The following RASAL2 variants were observed in gnomAD, a reference collection of about 807,000 sequenced individuals.
The protein encoded by RASAL2 is ras GTPase-activating protein nGAP.
Under a neutral mutation model 128.9 loss-of-function variants are expected in RASAL2, and 58 were observed. That is an observed-to-expected ratio of 0.45 (90% confidence interval 0.36 to 0.56). The LOEUF (loss-of-function observed/expected upper bound fraction) is 0.56, where lower values mean the gene tolerates loss of function less well. RASAL2 is among the 20% of genes least tolerant of loss of function. RASAL2 has a pLI of 0.00. For missense variants in RASAL2, 1,360 were observed against 1,601.6 expected (o/e 0.85, Z 2.57); for synonymous variants, 561 against 580.8 (o/e 0.97, Z 0.49).
intron 1 of RASAL2, among the ~76,000 whole-genome samples, chr1:178,135,972 GTTCAA>G (rs1660311693): frequency 6.6e-6 from 1 of 152,324 alleles, no homozygotes; most frequent in Non-Finnish European, 1.5e-5. Context: ...AATTATGGGA[GTTCAA>G]TTCAAGATGA....
intron 3 of RASAL2, among the ~76,000 whole-genome samples, chr1:178,348,586 A>G (rs1670273034): frequency 6.6e-6 from 1 of 152,170 alleles, no homozygotes; most frequent in Non-Finnish European, 1.5e-5. Flanking sequence ...GGCATGAGCT[A>G]CCACGCCCAG....
At chr1:178,225,927 AC>A (rs1165110966) in intron 1 of RASAL2, among the ~76,000 whole-genome samples, 1 of 152,156 alleles carries the variant, frequency 6.6e-6, no homozygotes, top group East Asian at 1.9e-4. Context: ...TTCTTAGCAC[AC>A]TATCATGAGC....
At chr1:178,467,673 T>C (rs1647874481) in intron 17 of RASAL2, among the ~76,000 whole-genome samples, 1 of 152,346 alleles carries the variant, frequency 6.6e-6, no homozygotes, top group South Asian at 2.1e-4. Flanking sequence ...CTCAACCTAG[T>C]GCATGATGGG....
intron 1 of RASAL2, among the ~76,000 whole-genome samples, chr1:178,268,023 GTT>G (rs1044785459): frequency 7.3e-6 from 1 of 137,692 alleles, no homozygotes. Context: ...GTTGTTTTTT[GTT>G]TTTTTTTTTA....
At chr1:178,296,298 C>T (rs1667505838) in intron 2 of RASAL2, among the ~76,000 whole-genome samples, 1 of 151,984 alleles carries the variant, frequency 6.6e-6, no homozygotes, top group South Asian at 2.1e-4. Flanking sequence ...ATCTTAGATA[C>T]CTGAGATATC....
At chr1:178,124,194 G>T (rs2102282393) in intron 1 of RASAL2, among the ~76,000 whole-genome samples, 1 of 152,286 alleles carries the variant, frequency 6.6e-6, no homozygotes, top group African/African-American at 2.4e-5. Flanking sequence ...TTTATGTAGA[G>T]AGGATAGGAG....
At chr1:178,130,603 G>A (rs1022057848) in intron 1 of RASAL2, among the ~76,000 whole-genome samples, 6 of 152,142 alleles carry the variant, frequency 3.9e-5, no homozygotes, top group Non-Finnish European at 8.8e-5. Flanking sequence ...CATATGTAAC[G>A]TCTAGTATCT....
At chr1:178,328,668 A>T (rs1354022794) in intron 3 of RASAL2, among the ~76,000 whole-genome samples, 1 of 152,202 alleles carries the variant, frequency 6.6e-6, no homozygotes, top group African/African-American at 2.4e-5. Flanking sequence ...GATATATATT[A>T]TCTCATTTAT....
At chr1:178,309,857 G>T (rs964396746) in intron 3 of RASAL2, among the ~76,000 whole-genome samples, 9 of 152,078 alleles carry the variant, frequency 5.9e-5, no homozygotes, top group African/African-American at 2.2e-4. Flanking sequence ...AGTGTATTTT[G>T]AATTGATAGA....
At chr1:178,123,292 TGAGA>T (rs1659780735) in intron 1 of RASAL2, 1 of 152,352 alleles carries the variant, frequency 6.6e-6, no homozygotes, top group South Asian at 2.1e-4. Context: ...CTTTGAAGGC[TGAGA>T]GAGAACGAGG....
chr1:178,248,406 T>G (rs1664878754), intron 1 of RASAL2, among the ~76,000 whole-genome samples: 2 of 152,134 alleles, frequency 1.3e-5, no homozygotes, highest in Admixed American at 6.6e-5. Context: ...CTTTTTTTGC[T>G]TTCCATTCCC....
At chr1:178,245,204 G>A (rs1664715206) in intron 1 of RASAL2, among the ~76,000 whole-genome samples, 1 of 152,206 alleles carries the variant, frequency 6.6e-6, no homozygotes, top group Admixed American at 6.5e-5. Flanking sequence ...CAGTGTAAAA[G>A]CGTTCCTATT....
At chr1:178,217,006 G>T (rs897317613) in intron 1 of RASAL2, among the ~76,000 whole-genome samples, 3 of 150,068 alleles carry the variant, frequency 2.0e-5, no homozygotes, top group Non-Finnish European at 4.4e-5. Flanking sequence ...ACGGAGTTTC[G>T]CTCTTGTTGC....
intron 1 of RASAL2, among the ~76,000 whole-genome samples, chr1:178,196,876 T>C (rs1444300951): frequency 6.6e-6 from 1 of 152,176 alleles, no homozygotes; most frequent in Non-Finnish European, 1.5e-5. Flanking sequence ...CACAAAGAAA[T>C]ACTCTTATAT....
chr1:178,327,690 A>G (rs1224169873), intron 3 of RASAL2, among the ~76,000 whole-genome samples: 2 of 152,192 alleles, frequency 1.3e-5, no homozygotes, highest in Non-Finnish European at 2.9e-5. Context: ...ATTGGCAGAA[A>G]GACAACCTTG....
intron 12 of RASAL2, 165 bp from the exon 13 acceptor site, chr1:178,456,556 C>G (rs1677787070): frequency 2.7e-5 from 20 of 736,506 alleles, no homozygotes; most frequent in South Asian, 2.7e-4. Flanking sequence ...CATGGTTCTG[C>G]TGCTCCATAA....
At chr1:178,133,570 A>G (rs1264362402) in intron 1 of RASAL2, among the ~76,000 whole-genome samples, 1 of 150,976 alleles carries the variant, frequency 6.6e-6, no homozygotes, top group East Asian at 1.9e-4. Flanking sequence ...AAGTTGCTTT[A>G]TAACTCACTG....
chr1:178,179,749 G>C (rs1208798225), intron 1 of RASAL2, among the ~76,000 whole-genome samples: 5 of 152,128 alleles, frequency 3.3e-5, no homozygotes, highest in African/African-American at 1.2e-4. Context: ...ATTGTGTTTT[G>C]ACAAGCTTCC....
rs1479756727 is a variant in RASAL2 at position 178,477,084 on chromosome 1, C to T, written c.*3845C>T. On this transcript the variant is annotated 3_prime_UTR_variant, in exon 18 of 18. Transcript: ENST00000367649. ...AGACTTGTCACAGGGCCAAACCCAA[C>T]AGCCACATGCCATAGCTTCACTGCA... 6.5e-6 allele frequency: 1 copy of T among 152,752 alleles called. No homozygotes were observed. The highest frequency in any genetic ancestry group is 1.5e-5 in the Non-Finnish European group (1 of 68,206). The allele number at this position is 152,752 out of a possible 1,614,324, so 9.5% of individuals were successfully genotyped here. A position where few individuals can be genotyped will look rare whatever the true frequency, so the allele number is the denominator to read the frequency against.
Sources: gnomAD v4.1 joint callset for allele counts (sites outside exome capture counted in the v4.1 genomes callset) on GRCh38, gnomAD v4.1.1 for gene constraint, MANE v1.5 for transcripts, NCBI Gene and HGNC (gene_info 2026-07-23, HGNC 2026-07-21) for gene names.